LONRF1: variants seen among roughly 807,000 people sequenced by gnomAD.
The protein encoded by LONRF1 is LON peptidase N-terminal domain and RING finger protein 1.
LONRF1 carries 37 observed loss-of-function variants against 85.8 expected under a neutral mutation model. The ratio of observed to expected loss-of-function variants is 0.43; its 90% CI spans 0.33 to 0.57. LONRF1 has a LOEUF of 0.57. Ranked by LOEUF, LONRF1 falls within the 20% of genes least tolerant of loss-of-function variation. LONRF1 has a pLI of 0.04. For missense variants in LONRF1, 1,036 were observed against 978.0 expected (o/e 1.06, Z -0.79); for synonymous variants, 517 against 390.1 (o/e 1.33, Z -3.83).
intron 10 of LONRF1, 42 bp from the exon 11 acceptor site, chr8:12,725,921 C>G (rs781193949): frequency 6.3e-7 from 1 of 1,575,418 alleles, no homozygotes; most frequent in East Asian, 2.3e-5. Context: ...GTCTAATCCC[C>G]CGTCCATATG....
At chr8:12,737,950 G>T (rs769839757) in intron 4 of LONRF1, 45 bp downstream of exon 4, 1 of 1,554,340 alleles carries the variant, frequency 6.4e-7, no homozygotes, top group Non-Finnish European at 8.6e-7. Context: ...AACTCGTAAA[G>T]AAATGGATAC....
intron 6 of LONRF1, 104 bp downstream of exon 6, chr8:12,736,597 C>T (rs1798723089): frequency 2.6e-6 from 2 of 760,180 alleles, no homozygotes; most frequent in Admixed American, 3.1e-5. Context: ...ATTTTTATTC[C>T]AGCATTGTGT....
chr8:12,729,875 C>T (rs961232845), intron 8 of LONRF1, among the ~76,000 whole-genome samples: 2 of 152,000 alleles, frequency 1.3e-5, no homozygotes, highest in Non-Finnish European at 2.9e-5. Flanking sequence ...TTTTCATTGC[C>T]AGATTGGTAG....
chr8:12,723,578 A>G (rs747216531), intron 11 of LONRF1, among the ~76,000 whole-genome samples: 54 of 152,224 alleles, frequency 3.5e-4, no homozygotes, highest in Non-Finnish European at 6.8e-4. Flanking sequence ...TTTGAGCCAG[A>G]TAATTCTTTG....
chr8:12,727,264 G>A (rs962701896), intron 10 of LONRF1: 3 of 144,180 alleles, frequency 2.1e-5, no homozygotes, highest in Non-Finnish European at 3.0e-5. Flanking sequence ...AGGCAGAGAC[G>A]CTTTTAAAGT....
chr8:12,741,901 C>T (rs1798946717), intron 2 of LONRF1, among the ~76,000 whole-genome samples: 1 of 5,126 alleles, frequency 2.0e-4, no homozygotes, highest in Admixed American at 3.2e-3. Flanking sequence ...CTGATAAACC[C>T]AAAATTCAGT....
At chr8:12,725,442 C>T (rs1398316692) in intron 11 of LONRF1, among the ~76,000 whole-genome samples, 1 of 152,116 alleles carries the variant, frequency 6.6e-6, no homozygotes, top group Non-Finnish European at 1.5e-5. Context: ...TTTTTAATTC[C>T]TTACCCACTC....
intron 2 of LONRF1, among the ~76,000 whole-genome samples, chr8:12,742,487 T>C (rs979395765): frequency 2.0e-5 from 3 of 152,218 alleles, no homozygotes; most frequent in Admixed American, 6.5e-5. Context: ...CCTAATCATC[T>C]AGTTACCATA....
chr8:12,730,799 T>A (rs981195785), intron 8 of LONRF1, among the ~76,000 whole-genome samples: 1 of 152,202 alleles, frequency 6.6e-6, no homozygotes. Context: ...GGAAGGCACC[T>A]GGCTCACTGA....
Position 12,728,974 on chromosome 8 carries a change from C to G in LONRF1, c.1937G>C (p.Arg646Pro), listed in dbSNP as rs1798425674. Residue 646 changes from arginine to proline, a missense_variant, in exon 10 of 12, where the codon CGG (arginine) becomes CCG (proline). Coordinates refer to ENST00000398246, the MANE Select transcript of LONRF1 (RefSeq NM_152271.5). ...CATTCCTCTTTTTAAAACCCTAAAC[C>G]GCTTTCCTCCAACTGTATCAACCAC... ...RSVVDTVGGK[R>P]FRVLKRGMKD... 6.2e-7 allele frequency: 1 copy of G among 1,613,906 alleles called. No homozygotes were observed. Among genetic ancestry groups the G allele is most frequent in the Admixed American group, 1.7e-5 (1 of 59,998 alleles).
chr8:12,755,263 C>T lies in LONRF1; in HGVS notation c.158G>A (p.Arg53His). 2.4e-6 allele frequency: 3 copies of T among 1,233,884 alleles called. No homozygotes were observed. The highest frequency in any genetic ancestry group is 3.0e-6 in the Non-Finnish European group (3 of 990,784). The allele number at this position is 1,233,884 out of a possible 1,614,324, so 76.4% of individuals were successfully genotyped here. A position where few individuals can be genotyped will look rare whatever the true frequency, so the allele number is the denominator to read the frequency against. The change falls in exon 1 of 12, where the codon CGC (arginine) becomes CAC (histidine). Residue 53 changes from arginine to histidine, a missense_variant. Physicochemically the swap from Arg to His is conservative, Grantham distance 29 (BLOSUM62 0). Transcript: ENST00000398246. ...GCCCAGCGCCAGCAGCTCCCCGCGG[C>T]GGAGCAGCAGCTCCCAGCGCTCCGA... Reference protein sequence around the residue: ...AESERWELLLRRGELLALGGH... With the variant: ...AESERWELLLHRGELLALGGH...
At chr8:12,730,353 T>C (rs17761606) in intron 8 of LONRF1, among the ~76,000 whole-genome samples, 7 of 152,214 alleles carry the variant, frequency 4.6e-5, no homozygotes, top group Admixed American at 3.3e-4. Context: ...AAAATGCCAA[T>C]AGTTGATTCC....
intron 1 of LONRF1, among the ~76,000 whole-genome samples, chr8:12,743,506 G>A (rs1372046881): frequency 6.6e-6 from 1 of 152,068 alleles, no homozygotes; most frequent in African/African-American, 2.4e-5. Flanking sequence ...TTTAGTGGAG[G>A]AAACTGTTTT....
chr8:12,740,709 T>C (rs1798898927), intron 3 of LONRF1, among the ~76,000 whole-genome samples, 165 bp downstream of exon 3: 1 of 152,200 alleles, frequency 6.6e-6, no homozygotes, highest in African/African-American at 2.4e-5. Context: ...AAGAACTCAA[T>C]ATAATACGTA....
At chr8:12,748,508 A>C (rs1287657010) in intron 1 of LONRF1, among the ~76,000 whole-genome samples, 2 of 152,196 alleles carry the variant, frequency 1.3e-5, no homozygotes, top group Non-Finnish European at 2.9e-5. Flanking sequence ...AGAAAGTTAT[A>C]AAGATATACA....
At chr8:12,742,759 C>T (rs1403160399) in intron 2 of LONRF1, among the ~76,000 whole-genome samples, 2 of 150,612 alleles carry the variant, frequency 1.3e-5, no homozygotes, top group Non-Finnish European at 2.9e-5. Flanking sequence ...TTTTTTGAGA[C>T]AGGGTCTGAC....
In LONRF1 at chr8:12,725,760, G is replaced by T; in HGVS notation, c.2130C>A (p.Phe710Leu). Reference sequence around the variant, plus strand: ...TTTCCTCCCTCTCGGGCATTGATCCGAAATGCTGAAGAATTTGGCTTCGAA... The same window carrying T: ...TTTCCTCCCTCTCGGGCATTGATCCTAAATGCTGAAGAATTTGGCTTCGAA... ...DRFRSQILQHFGSMPEREENL... is the reference protein window; with the variant it reads ...DRFRSQILQHLGSMPEREENL... Residue 710 changes from phenylalanine to leucine, a missense_variant, in exon 11 of 12, where the codon TTC becomes TTA. Transcript: ENST00000398246. The T allele has an allele frequency of 6.2e-7, 1 of 1,613,346 alleles. No individual in the cohort carries two copies. The highest frequency in any genetic ancestry group is 8.5e-7 in the Non-Finnish European group (1 of 1,179,410).
At chr8:12,735,001 G>T (rs1798664488) in intron 7 of LONRF1, among the ~76,000 whole-genome samples, 1 of 151,734 alleles carries the variant, frequency 6.6e-6, no homozygotes, top group South Asian at 2.1e-4. Context: ...CACCAAAATT[G>T]AACTTATCCC....
intron 8 of LONRF1, among the ~76,000 whole-genome samples, chr8:12,729,606 G>T (rs1187488930): frequency 2.0e-5 from 3 of 151,960 alleles, no homozygotes; most frequent in African/African-American, 7.2e-5. Context: ...ATCTTACAGA[G>T]CTAAGTATGT....
Sources: allele counts gnomAD v4.1 joint callset (sites outside exome capture counted in the v4.1 genomes callset), GRCh38; gene constraint gnomAD v4.1.1; transcripts MANE v1.5; gene names NCBI Gene and HGNC (gene_info 2026-07-23, HGNC 2026-07-21).